The following AFF2 variants were observed in gnomAD, a reference collection of about 807,000 sequenced individuals.
The protein encoded by AFF2 is ALF transcription elongation factor 2.
A neutral mutation model predicts 76.9 loss-of-function variants in AFF2; 14 were observed. The ratio of observed to expected loss-of-function variants is 0.18; its 90% CI spans 0.12 to 0.28. AFF2 has a LOEUF of 0.28. AFF2 is among the 10% of genes least tolerant of loss of function. The probability of loss-of-function intolerance (pLI) is 1.00; values close to 1 mark genes in which losing one functional copy is unlikely to be tolerated. For missense variants in AFF2, 868 were observed against 1,001.1 expected (o/e 0.87, Z 1.79); for synonymous variants, 398 against 366.7 (o/e 1.09, Z -0.98).
At chrX:148,685,964 CAT>C (rs2054597817) in intron 3 of AFF2, among the ~76,000 whole-genome samples, 1 of 110,202 alleles carries the variant, frequency 9.1e-6, no homozygotes, top group South Asian at 3.8e-4. Context: ...CACACACACA[CAT>C]ACATACATAT....
At chrX:148,545,805 C>G in intron 1 of AFF2, among the ~76,000 whole-genome samples, 1 of 110,909 alleles carries the variant, frequency 9.0e-6, no homozygotes, top group East Asian at 2.8e-4. Flanking sequence ...ATCCCACCCC[C>G]CAAATTTGTG....
chrX:148,942,544 C>T (rs782334064), intron 9 of AFF2, among the ~76,000 whole-genome samples: 100 of 111,227 alleles, frequency 9.0e-4, no homozygotes, highest in African/African-American at 3.1e-3. Context: ...CGGCCAGGCA[C>T]GGTAGCTCAC....
chrX:148,700,419 A>AGTGTGTGTGT lies in AFF2; in HGVS notation c.1041+37685_1041+37694dup, dbSNP rs368077947. Among the ~76,000 whole-genome samples the AGTGTGTGTGT allele has an allele frequency of 6.2e-3, 513 of 82,484 alleles. 3 individuals carry two copies. The highest frequency in any genetic ancestry group is 0.014 in the African/African-American group (306 of 22,196). 71.6% of individuals were successfully genotyped at this position (82,484 alleles called of 115,157 possible). ...ATCCAAAGGAAGGGAGTACTGTTGA[A>AGTGTGTGTGT]GTGTGTGTGTGTGTGTGTGTGTGTG... On this transcript the variant is annotated intron_variant, in intron 3 of 20. Transcript: ENST00000370460.
chrX:148,661,365 A>G (rs782246827), intron 2 of AFF2, among the ~76,000 whole-genome samples: 1 of 112,574 alleles, frequency 8.9e-6, no homozygotes, highest in Admixed American at 9.4e-5. Flanking sequence ...AGTTAGCTCA[A>G]TTAGATGCTG....
At chrX:148,576,899 G>A (rs930616135) in intron 1 of AFF2, among the ~76,000 whole-genome samples, 6 of 109,960 alleles carry the variant, frequency 5.5e-5, no homozygotes, top group Non-Finnish European at 1.1e-4. Flanking sequence ...GGTTCTCTTC[G>A]CTCTATTTTT....
chrX:148,738,228 C>T (rs1261151713), intron 3 of AFF2, among the ~76,000 whole-genome samples: 11 of 111,194 alleles, frequency 9.9e-5, no homozygotes, highest in African/African-American at 3.3e-4. Flanking sequence ...TAGAATTCTG[C>T]TGTGAATCCG....
At chrX:148,741,481 C>T (rs1266611385) in intron 3 of AFF2, among the ~76,000 whole-genome samples, 3 of 110,900 alleles carry the variant, frequency 2.7e-5, no homozygotes, top group Non-Finnish European at 5.7e-5. Context: ...GTCTCACCCC[C>T]ACTGTGCCTC....
intron 4 of AFF2, among the ~76,000 whole-genome samples, chrX:148,810,452 A>G (rs12007089): frequency 0.037 from 4,113 of 112,594 alleles, 183 homozygotes; most frequent in African/African-American, 0.12. Flanking sequence ...AGTTGAAAGA[A>G]TGGCTATAAT....
At chrX:148,715,925 G>C (rs937827027) in intron 3 of AFF2, among the ~76,000 whole-genome samples, 11 of 111,679 alleles carry the variant, frequency 9.8e-5, no homozygotes, top group African/African-American at 3.3e-4. Context: ...TTTTGCTTCT[G>C]TCTGAAATTC....
intron 3 of AFF2, among the ~76,000 whole-genome samples, chrX:148,774,686 T>A (rs1303632405): frequency 8.9e-6 from 1 of 112,016 alleles, no homozygotes; most frequent in Non-Finnish European, 1.9e-5. Context: ...TCCGTCTTAC[T>A]TATATTTTTG....
rs1557290817 is a variant in AFF2 at position 148,981,133 on chromosome X, T to G, written c.3623+343T>G. Among the ~76,000 whole-genome samples, 4 of 112,385 alleles carry G rather than the reference T, an allele frequency of 3.6e-5. No individual in the cohort carries two copies. The East Asian group carries it at 1.1e-3, about 31-fold the overall frequency. ...CAATAATGAAAGACCAATGAAATAT[T>G]CATTGATATATGGTAAGTGCTGTTT... On this transcript the variant is annotated intron_variant, in intron 19 of 20. Coordinates refer to ENST00000370460, the MANE Select transcript of AFF2 (RefSeq NM_002025.4).
chrX:148,732,611 G>GA (rs568315858), intron 3 of AFF2, among the ~76,000 whole-genome samples: 10,596 of 85,638 alleles, frequency 0.12, 1,114 homozygotes, highest in African/African-American at 0.3. Flanking sequence ...ACAAGCAGAT[G>GA]AAAAAAAAAA....
chrX:148,711,808 G>T (rs185798526), intron 3 of AFF2, among the ~76,000 whole-genome samples: 96 of 112,523 alleles, frequency 8.5e-4, no homozygotes, highest in Non-Finnish European at 1.3e-4. Context: ...TGCTTAAAAG[G>T]TAGTATGTGC....
chrX:148,743,505 C>A (rs2055385350), intron 3 of AFF2, among the ~76,000 whole-genome samples: 1 of 111,729 alleles, frequency 9.0e-6, no homozygotes, highest in Non-Finnish European at 1.9e-5. Flanking sequence ...TGAAAATGAA[C>A]ATTCGGTAAT....
At chrX:148,903,286 A>T (rs1309982104) in intron 8 of AFF2, among the ~76,000 whole-genome samples, 6 of 112,166 alleles carry the variant, frequency 5.3e-5, no homozygotes, top group African/African-American at 9.7e-5. Flanking sequence ...TATGAAAAAA[A>T]AATCATCACT....
At chrX:148,753,035 A>G (rs1415400489) in intron 3 of AFF2, among the ~76,000 whole-genome samples, 2 of 111,398 alleles carry the variant, frequency 1.8e-5, no homozygotes, top group African/African-American at 6.5e-5. Context: ...AGGGTGAGGT[A>G]GGGAGAACTT....
chrX:148,547,026 G>C (rs1268777350), intron 1 of AFF2: 1 of 112,050 alleles, frequency 8.9e-6, no homozygotes, highest in African/African-American at 3.2e-5. Context: ...TTACAGTCTT[G>C]TCAGAGAGAT....
chrX:148,707,345 A>G (rs1013366808), intron 3 of AFF2, among the ~76,000 whole-genome samples: 27 of 111,141 alleles, frequency 2.4e-4, no homozygotes, highest in African/African-American at 7.8e-4. Context: ...AAATCTGTGT[A>G]TTGTAGGCAT....
chrX:148,747,150 A>T lies in AFF2; in HGVS notation c.1042-62726A>T, dbSNP rs149273714. Among the ~76,000 whole-genome samples the T allele has an allele frequency of 1.5e-4, 17 of 111,823 alleles. No homozygotes were observed. The East Asian group carries it at 4.8e-3, about 31-fold the overall frequency. On this transcript the variant is annotated intron_variant, in intron 3 of 20. Coordinates refer to ENST00000370460, the MANE Select transcript of AFF2 (RefSeq NM_002025.4). ...TTGGCAGTAACCAAGACTCCTCATG[A>T]ACTCCTATTCACCCTTCAAGACCTA...
Sources: gnomAD v4.1 joint callset for allele counts (sites outside exome capture counted in the v4.1 genomes callset) on GRCh38, gnomAD v4.1.1 for gene constraint, MANE v1.5 for transcripts, NCBI Gene and HGNC (gene_info 2026-07-23, HGNC 2026-07-21) for gene names.